The following ADAMTS12 variants were observed in gnomAD, a reference collection of about 807,000 sequenced individuals.
The protein encoded by ADAMTS12 is A disintegrin and metalloproteinase with thrombospondin motifs 12.
A neutral mutation model predicts 167.8 loss-of-function variants in ADAMTS12; 118 were observed. The observed-to-expected ratio is 0.70, with a 90% CI of 0.61 to 0.82. The LOEUF (loss-of-function observed/expected upper bound fraction) is 0.82, where lower values mean the gene tolerates loss of function less well. Among genes scored for constraint, ADAMTS12 ranks in the 40% least tolerant of loss-of-function variants. ADAMTS12 has a pLI of 0.00. For missense variants in ADAMTS12, 1,916 were observed against 1,998.8 expected (o/e 0.96, Z 0.79); for synonymous variants, 704 against 716.9 (o/e 0.98, Z 0.29).
chr5:33,665,055 T>A (rs1320997511), intron 5 of ADAMTS12, among the ~76,000 whole-genome samples: 1 of 152,078 alleles, frequency 6.6e-6, no homozygotes, highest in Non-Finnish European at 1.5e-5. Context: ...GAAATATATA[T>A]ATATAATGGA....
chr5:33,656,500 A>T (rs917502694), intron 7 of ADAMTS12, among the ~76,000 whole-genome samples: 4 of 152,214 alleles, frequency 2.6e-5, no homozygotes, highest in Non-Finnish European at 5.9e-5. Context: ...TGCTTAACAT[A>T]TTCTTGTTAC....
chr5:33,537,490 T>C (rs1308015465), intron 22 of ADAMTS12, among the ~76,000 whole-genome samples: 1 of 152,204 alleles, frequency 6.6e-6, no homozygotes. Flanking sequence ...GGCTGAGGCT[T>C]GTGTCAAGGT....
intron 2 of ADAMTS12, among the ~76,000 whole-genome samples, chr5:33,823,093 A>G (rs1402870925): frequency 2.4e-5 from 1 of 40,962 alleles, no homozygotes; most frequent in Non-Finnish European, 7.0e-5. Flanking sequence ...CCCATTTCTA[A>G]AAAAAAAAAA....
chr5:33,570,853 T>A (rs1320836670), intron 19 of ADAMTS12, among the ~76,000 whole-genome samples: 4 of 150,532 alleles, frequency 2.7e-5, no homozygotes, highest in Non-Finnish European at 5.9e-5. Context: ...AGGAAACCCA[T>A]CTCACGTGCA....
intron 2 of ADAMTS12, among the ~76,000 whole-genome samples, chr5:33,871,690 A>C (rs1044278620): frequency 2.0e-5 from 3 of 152,180 alleles, no homozygotes; most frequent in Admixed American, 6.5e-5. Context: ...CCAAAAGCTG[A>C]TTATTTTAAA....
At chr5:33,680,153 T>C (rs1444717880) in intron 5 of ADAMTS12, among the ~76,000 whole-genome samples, 1 of 152,094 alleles carries the variant, frequency 6.6e-6, no homozygotes, top group East Asian at 1.9e-4. Flanking sequence ...AAGTGGGAGG[T>C]AGAGAGCCAT....
At chr5:33,829,631 G>A (rs1166419105) in intron 2 of ADAMTS12, among the ~76,000 whole-genome samples, 1 of 152,036 alleles carries the variant, frequency 6.6e-6, no homozygotes, top group Non-Finnish European at 1.5e-5. Flanking sequence ...CAACCCCCTT[G>A]GGTCTTAATA....
At chr5:33,628,850 G>A (rs377432176) in intron 13 of ADAMTS12, among the ~76,000 whole-genome samples, 45 of 152,102 alleles carry the variant, frequency 3.0e-4, no homozygotes, top group African/African-American at 8.9e-4. Flanking sequence ...GACAGAAAGT[G>A]GGTAATTATA....
chr5:33,542,047 T>A (rs1472076502), intron 22 of ADAMTS12, among the ~76,000 whole-genome samples: 11 of 151,984 alleles, frequency 7.2e-5, no homozygotes, highest in African/African-American at 2.4e-4. Context: ...GACTAGCATT[T>A]TGGATAAAGA....
chr5:33,657,739 A>C lies in ADAMTS12; in HGVS notation c.1190+445T>G, dbSNP rs1741110246. ...GGGACTAACAGTACCATCTATTTCAAGAGGTTGTTAAGCAGATTCAATGAT... is the reference window on the plus strand; with the variant it reads ...GGGACTAACAGTACCATCTATTTCACGAGGTTGTTAAGCAGATTCAATGAT... On this transcript the variant is annotated intron_variant, in intron 7 of 23. Coordinates refer to ENST00000504830, the MANE Select transcript of ADAMTS12 (RefSeq NM_030955.4). Among the ~76,000 whole-genome samples the C allele has an allele frequency of 2.0e-5, 3 of 152,230 alleles. 1 individual carries two copies. The South Asian group carries it at 6.2e-4, about 31-fold the overall frequency.
intron 2 of ADAMTS12, among the ~76,000 whole-genome samples, chr5:33,867,607 T>C (rs924915154): frequency 2.7e-5 from 4 of 146,840 alleles, no homozygotes; most frequent in East Asian, 2.0e-4. Flanking sequence ...CCAAAAGCTA[T>C]TGAAATAAAA....
intron 5 of ADAMTS12, among the ~76,000 whole-genome samples, chr5:33,671,694 G>A (rs939926426): frequency 6.6e-6 from 1 of 151,882 alleles, no homozygotes; most frequent in Admixed American, 6.6e-5. Flanking sequence ...AAGAGCCCAT[G>A]CACTCACACA....
chr5:33,543,345 A>T (rs1467575591), intron 22 of ADAMTS12, among the ~76,000 whole-genome samples: 1 of 152,204 alleles, frequency 6.6e-6, no homozygotes, highest in East Asian at 1.9e-4. Flanking sequence ...GCCCAATAAC[A>T]GACTCTGAAA....
chr5:33,691,809 G>A (rs564304381), intron 3 of ADAMTS12, among the ~76,000 whole-genome samples: 1 of 152,346 alleles, frequency 6.6e-6, no homozygotes, highest in South Asian at 2.1e-4. Flanking sequence ...CAAGCATAGT[G>A]TGTGCTCAAT....
intron 3 of ADAMTS12, among the ~76,000 whole-genome samples, chr5:33,714,965 A>G (rs75621700): frequency 0.029 from 4,407 of 152,182 alleles, 214 homozygotes; most frequent in African/African-American, 0.1. Context: ...ACGTTCCCAA[A>G]ATAAAGAAAT....
intron 2 of ADAMTS12, among the ~76,000 whole-genome samples, chr5:33,865,450 C>G (rs1299348142): frequency 6.6e-6 from 1 of 152,034 alleles, no homozygotes; most frequent in East Asian, 1.9e-4. Context: ...ACAAACGAGG[C>G]ATAGAATGGA....
intron 2 of ADAMTS12, among the ~76,000 whole-genome samples, chr5:33,876,216 A>G (rs1229138670): frequency 6.6e-6 from 1 of 152,202 alleles, no homozygotes; most frequent in Non-Finnish European, 1.5e-5. Context: ...AAAGATGTCA[A>G]TTCTTCCCAA....
chr5:33,704,725 T>C (rs887316149), intron 3 of ADAMTS12, among the ~76,000 whole-genome samples: 32 of 152,186 alleles, frequency 2.1e-4, no homozygotes, highest in African/African-American at 7.5e-4. Context: ...GGGATACATT[T>C]TGGATTTTAA....
At chr5:33,768,378 C>T (rs1745621134) in intron 2 of ADAMTS12, among the ~76,000 whole-genome samples, 1 of 152,118 alleles carries the variant, frequency 6.6e-6, no homozygotes, top group Non-Finnish European at 1.5e-5. Context: ...CATCATTAAG[C>T]TTTTAGAGGC....
Sources: gnomAD v4.1 joint callset for allele counts (sites outside exome capture counted in the v4.1 genomes callset) on GRCh38, gnomAD v4.1.1 for gene constraint, MANE v1.5 for transcripts, NCBI Gene and HGNC (gene_info 2026-07-23, HGNC 2026-07-21) for gene names.